SKAP1: variants seen among roughly 807,000 people sequenced by gnomAD.
The protein encoded by SKAP1 is src kinase associated phosphoprotein 1.
A neutral mutation model predicts 58.5 loss-of-function variants in SKAP1; 44 were observed. That is an observed-to-expected ratio of 0.75 (90% CI 0.59 to 0.97). The LOEUF (loss-of-function observed/expected upper bound fraction) is 0.97, where lower values mean the gene tolerates loss of function less well. Ranked by LOEUF, SKAP1 falls within the 50% of genes least tolerant of loss-of-function variation. SKAP1 has a pLI of 0.00. For missense variants in SKAP1, 390 were observed against 435.2 expected (o/e 0.90, Z 0.92); for synonymous variants, 127 against 149.7 (o/e 0.85, Z 1.11).
intron 4 of SKAP1, among the ~76,000 whole-genome samples, chr17:48,343,835 G>A (rs747131963): frequency 1.2e-4 from 19 of 152,156 alleles, no homozygotes; most frequent in Non-Finnish European, 2.5e-4. Context: ...ATAGTGGTAA[G>A]GATAGTAGAG....
chr17:48,330,870 A>G lies in SKAP1; in HGVS notation c.280+15035T>C, dbSNP rs568481223. Among the ~76,000 whole-genome samples the G allele has an allele frequency of 4.6e-5, 7 of 152,238 alleles. No homozygotes were observed. In the South Asian group the frequency reaches 1.5e-3, roughly 32 times the overall value. The stretch of plus-strand genomic sequence containing the variant: ...ACCAAGTAACCAAGTAAAGAGAGCT[A>G]TGAGTTCAATAACCAGGATTATCCC... On this transcript the variant is annotated intron_variant, in intron 4 of 12. Coordinates refer to ENST00000336915, the MANE Select transcript of SKAP1 (RefSeq NM_003726.4).
intron 10 of SKAP1, among the ~76,000 whole-genome samples, chr17:48,169,110 T>C (rs201835477): frequency 2.0e-5 from 1 of 49,952 alleles, no homozygotes; most frequent in African/African-American, 6.4e-5. Context: ...GAACAAAAGG[T>C]TTTTTTTTTT....
At chr17:48,306,431 C>T (rs2066143520) in intron 4 of SKAP1, among the ~76,000 whole-genome samples, 1 of 152,184 alleles carries the variant, frequency 6.6e-6, no homozygotes, top group Admixed American at 6.5e-5. Flanking sequence ...TAAATCCACT[C>T]CCAGTTGGTC....
At chr17:48,261,043 A>G (rs544940711) in intron 4 of SKAP1, among the ~76,000 whole-genome samples, 2 of 152,232 alleles carry the variant, frequency 1.3e-5, no homozygotes, top group African/African-American at 2.4e-5. Context: ...ATTTAAAAAA[A>G]CTTCTATTAT....
chr17:48,319,434 T>C (rs537477402), intron 4 of SKAP1, among the ~76,000 whole-genome samples: 2 of 152,262 alleles, frequency 1.3e-5, no homozygotes, highest in Non-Finnish European at 2.9e-5. Context: ...ACTGGGAACA[T>C]AATGACAAAC....
chr17:48,275,975 TGAGA>T (rs1430080124), intron 4 of SKAP1, among the ~76,000 whole-genome samples: 1 of 152,122 alleles, frequency 6.6e-6, no homozygotes, highest in Admixed American at 6.5e-5. Context: ...ATGAAGGGGA[TGAGA>T]GAGTTTATAA....
At chr17:48,434,816 C>T (rs1722974586), upstream of SKAP1, among the ~76,000 whole-genome samples, 1 of 152,154 alleles carries the variant, frequency 6.6e-6, no homozygotes. Flanking sequence ...CACTGAGCCA[C>T]TCTACGAAGT....
intron 4 of SKAP1, among the ~76,000 whole-genome samples, chr17:48,213,587 T>C (rs1443372993): frequency 6.6e-6 from 1 of 152,170 alleles, no homozygotes; most frequent in Non-Finnish European, 1.5e-5. Context: ...AACTGTCATA[T>C]TCACAGGACA....
At chr17:48,312,423 G>C (rs1012622118) in intron 4 of SKAP1, among the ~76,000 whole-genome samples, 1 of 152,200 alleles carries the variant, frequency 6.6e-6, no homozygotes, top group African/African-American at 2.4e-5. Flanking sequence ...GGATGACGTA[G>C]AATCCAGAAT....
At chr17:48,216,559 T>C (rs1043871587) in intron 4 of SKAP1, among the ~76,000 whole-genome samples, 1 of 151,720 alleles carries the variant, frequency 6.6e-6, no homozygotes, top group Non-Finnish European at 1.5e-5. Context: ...TGGTACAATC[T>C]CAGCTCACTG....
At chr17:48,255,325 A>C (rs2065410838) in intron 4 of SKAP1, among the ~76,000 whole-genome samples, 1 of 151,850 alleles carries the variant, frequency 6.6e-6, no homozygotes, top group Non-Finnish European at 1.5e-5. Context: ...TGGGTCTCCC[A>C]TTTTGCACTG....
intron 4 of SKAP1, among the ~76,000 whole-genome samples, chr17:48,217,161 T>C (rs1471321990): frequency 6.6e-6 from 1 of 152,214 alleles, no homozygotes. Context: ...ATTTTTATTT[T>C]CTTTATAGTC....
At chr17:48,398,760 G>A (rs540196706) in intron 1 of SKAP1, among the ~76,000 whole-genome samples, 16 of 152,268 alleles carry the variant, frequency 1.1e-4, no homozygotes, top group Middle Eastern at 3.4e-3. Context: ...GGTGGCTCAC[G>A]CCTGTAATCC....
At chr17:48,152,897 C>G (rs1317854699) in intron 11 of SKAP1, among the ~76,000 whole-genome samples, 1 of 152,096 alleles carries the variant, frequency 6.6e-6, no homozygotes, top group African/African-American at 2.4e-5. Context: ...TGTAAAGCAT[C>G]GGGCAATTCT....
At chr17:48,379,440 T>A (rs1264361521) in intron 2 of SKAP1, among the ~76,000 whole-genome samples, 1 of 152,210 alleles carries the variant, frequency 6.6e-6, no homozygotes, top group Non-Finnish European at 1.5e-5. Flanking sequence ...AAAGCCAGCT[T>A]CTACTGGTAA....
intron 1 of SKAP1, among the ~76,000 whole-genome samples, chr17:48,424,687 C>T (rs1398145058): frequency 6.6e-6 from 1 of 151,274 alleles, no homozygotes; most frequent in Non-Finnish European, 1.5e-5. Context: ...GTAATGCCAG[C>T]ACTTTGGGAG....
chr17:48,312,083 A>C (rs989730579), intron 4 of SKAP1, among the ~76,000 whole-genome samples: 1 of 152,240 alleles, frequency 6.6e-6, no homozygotes, highest in African/African-American at 2.4e-5. Flanking sequence ...ATTCTGTTAC[A>C]TGAATCACAT....
intron 4 of SKAP1, among the ~76,000 whole-genome samples, chr17:48,207,592 C>A (rs1423638576): frequency 6.6e-6 from 1 of 151,964 alleles, no homozygotes; most frequent in Admixed American, 6.6e-5. Flanking sequence ...TTTTAAGACT[C>A]ATTTACAATT....
intron 4 of SKAP1, among the ~76,000 whole-genome samples, chr17:48,322,141 T>C (rs2066375595): frequency 6.6e-6 from 1 of 152,238 alleles, no homozygotes; most frequent in Non-Finnish European, 1.5e-5. Flanking sequence ...TTTTGTAGAA[T>C]TTCCCATTCA....
Sources: allele counts gnomAD v4.1 joint callset (sites outside exome capture counted in the v4.1 genomes callset), GRCh38; gene constraint gnomAD v4.1.1; transcripts MANE v1.5; gene names NCBI Gene and HGNC (gene_info 2026-07-23, HGNC 2026-07-21).